Variants in PCDH7 observed in about 807,000 individuals in gnomAD.
The protein encoded by PCDH7 is protocadherin 7.
A neutral mutation model predicts 58.9 loss-of-function variants in PCDH7; 17 were observed. The ratio of observed to expected loss-of-function variants is 0.29; its 90% CI spans 0.20 to 0.43. The LOEUF is 0.43. PCDH7 is among the 20% of genes least tolerant of loss of function. The pLI, the probability that PCDH7 is intolerant of heterozygous loss-of-function variation, is 1.00. For missense variants in PCDH7, 1,274 were observed against 1,441.0 expected (o/e 0.88, Z 1.88); for synonymous variants, 664 against 616.4 (o/e 1.08, Z -1.14).
intron 3 of PCDH7, among the ~76,000 whole-genome samples, chr4:31,073,878 TA>T: frequency 6.6e-6 from 1 of 152,302 alleles, no homozygotes; most frequent in African/African-American, 2.4e-5. Context: ...TGCCATGCCT[TA>T]CAAATATTTC....
At chr4:30,857,456 A>G (rs1733619087) in intron 1 of PCDH7, among the ~76,000 whole-genome samples, 1 of 152,126 alleles carries the variant, frequency 6.6e-6, no homozygotes, top group African/African-American at 2.4e-5. Flanking sequence ...GCTGTTTTCC[A>G]TTATAATTTC....
At chr4:30,949,724 T>A (rs990859496) in intron 2 of PCDH7, among the ~76,000 whole-genome samples, 15 of 152,096 alleles carry the variant, frequency 9.9e-5, no homozygotes, top group African/African-American at 3.6e-4. Flanking sequence ...AGAGACAGAA[T>A]GAGATGATAA....
chr4:31,132,322 G>C (rs1380998442), intron 3 of PCDH7, among the ~76,000 whole-genome samples: 1 of 151,934 alleles, frequency 6.6e-6, no homozygotes, highest in Non-Finnish European at 1.5e-5. Flanking sequence ...TATGTCATGG[G>C]GGATAGCAAA....
rs561681053 is a variant in PCDH7, at chr4:31,086,468, T to C, written c.*8-56005T>C. ...ATGTATTATCTATACACCCAGAGAT[T>C]TGTAGGCTAAAAAATGCTTGACCCT... On this transcript the variant is annotated intron_variant, in intron 3 of 3. Coordinates refer to the PCDH7 transcript ENST00000509759. 1.4e-3 allele frequency among the ~76,000 whole-genome samples: 218 copies of C among 152,272 alleles called. 1 individual carries two copies. The highest frequency in any genetic ancestry group is 1.7e-3 in the Non-Finnish European group (113 of 68,018).
At position 30,972,132 on chromosome 4, in the gene PCDH7, AT is replaced by A. The variant is rs796970786; in HGVS notation, c.*7+21924del. ...TATCACTTCTTCAAGATGAAAAGGAATTTTTTTATAACTAAAATAATTCCCT... is the reference window on the plus strand; with the variant it reads ...TATCACTTCTTCAAGATGAAAAGGAATTTTTTATAACTAAAATAATTCCCT... On this transcript the variant is annotated intron_variant, in intron 3 of 3. Coordinates refer to the PCDH7 transcript ENST00000509759. Among the ~76,000 whole-genome samples the A allele has an allele frequency of 5.3e-5, 8 of 152,112 alleles. No individual in the cohort carries two copies. In the South Asian group the frequency reaches 6.2e-4, roughly 12 times the overall value.
chr4:30,841,904 C>T (rs1235902109), intron 1 of PCDH7, among the ~76,000 whole-genome samples: 1 of 151,932 alleles, frequency 6.6e-6, no homozygotes, highest in Admixed American at 6.6e-5. Flanking sequence ...ACAGATAATC[C>T]TCTGGTTTAT....
At chr4:30,903,328 C>G (rs1322377870) in intron 1 of PCDH7, among the ~76,000 whole-genome samples, 1 of 152,020 alleles carries the variant, frequency 6.6e-6, no homozygotes, top group Non-Finnish European at 1.5e-5. Context: ...CAATTAGGCT[C>G]CAATCAGGAT....
intron 1 of PCDH7, among the ~76,000 whole-genome samples, chr4:30,765,186 G>A (rs571334495): frequency 7.9e-6 from 1 of 125,806 alleles, no homozygotes; most frequent in South Asian, 2.6e-4. Flanking sequence ...ATGAGTTAGG[G>A]TGTCTCATTT....
chr4:30,749,894 A>G (rs1215925669), intron 1 of PCDH7, among the ~76,000 whole-genome samples: 1 of 152,226 alleles, frequency 6.6e-6, no homozygotes, highest in East Asian at 1.9e-4. Flanking sequence ...CAGGATTATT[A>G]GGTGCTGTAA....
intron 2 of PCDH7, among the ~76,000 whole-genome samples, chr4:30,948,999 G>C (rs893985328): frequency 1.7e-4 from 26 of 152,118 alleles, no homozygotes; most frequent in Admixed American, 6.6e-5. Flanking sequence ...TTAAAGGTTA[G>C]ATTCACATTT....
chr4:30,925,620 C>G (rs1743765364), intron 2 of PCDH7: 1 of 152,212 alleles, frequency 6.6e-6, no homozygotes, highest in Admixed American at 6.6e-5. Context: ...CAGTGTCTGA[C>G]TGAGGCTGCA....
intron 3 of PCDH7, among the ~76,000 whole-genome samples, chr4:31,139,641 G>A (rs1303365883): frequency 6.6e-6 from 1 of 152,118 alleles, no homozygotes; most frequent in East Asian, 1.9e-4. Context: ...TGTAAACAAA[G>A]AAAAATACTT....
intron 3 of PCDH7, among the ~76,000 whole-genome samples, chr4:31,097,637 T>TATATATAA (rs1553850696): frequency 1.5e-4 from 13 of 89,296 alleles, no homozygotes; most frequent in East Asian, 3.2e-4. Context: ...TATATATATA[T>TATATATAA]AAATCTTTTT....
intron 1 of PCDH7, among the ~76,000 whole-genome samples, chr4:30,775,915 T>A (rs1722001652): frequency 6.6e-6 from 1 of 151,520 alleles, no homozygotes; most frequent in African/African-American, 2.4e-5. Flanking sequence ...AAGATATGAG[T>A]TATGATGCCC....
chr4:31,098,125 CAT>C (rs1216621214), intron 3 of PCDH7, among the ~76,000 whole-genome samples: 1 of 152,128 alleles, frequency 6.6e-6, no homozygotes, highest in Non-Finnish European at 1.5e-5. Context: ...TGAATCAGAA[CAT>C]AAGTTTCAGT....
intron 1 of PCDH7, among the ~76,000 whole-genome samples, chr4:30,839,779 A>G (rs2109337324): frequency 6.6e-6 from 1 of 152,248 alleles, no homozygotes; most frequent in Admixed American, 6.6e-5. Flanking sequence ...TATATTCTCA[A>G]CCCTCTTGAA....
intron 3 of PCDH7, among the ~76,000 whole-genome samples, chr4:31,053,246 C>G (rs1756899033): frequency 6.6e-6 from 1 of 152,216 alleles, no homozygotes; most frequent in South Asian, 2.1e-4. Flanking sequence ...CAAAACACTA[C>G]CCCCTACCCA....
At chr4:30,784,642 CTATT>C (rs978867189) in intron 1 of PCDH7, among the ~76,000 whole-genome samples, 2 of 151,956 alleles carry the variant, frequency 1.3e-5, no homozygotes, top group Non-Finnish European at 2.9e-5. Context: ...TTTTTCCTAT[CTATT>C]CATTTATTAA....
chr4:30,753,496 AG>A (rs1255094619), intron 1 of PCDH7, among the ~76,000 whole-genome samples: 1 of 152,214 alleles, frequency 6.6e-6, no homozygotes, highest in Non-Finnish European at 1.5e-5. Context: ...GTCATTTCTT[AG>A]GCAGGCACTT....
Sources: allele counts gnomAD v4.1 joint callset (sites outside exome capture counted in the v4.1 genomes callset), GRCh38; gene constraint gnomAD v4.1.1; transcripts MANE v1.5; gene names NCBI Gene and HGNC (gene_info 2026-07-23, HGNC 2026-07-21).